The following WDR11 variants were observed in gnomAD, a reference collection of about 807,000 sequenced individuals.
The protein encoded by WDR11 is WD repeat domain 11.
WDR11 carries 83 observed loss-of-function variants against 151.2 expected under a neutral mutation model. The observed-to-expected ratio is 0.55, with a 90% CI of 0.46 to 0.66. WDR11 has a LOEUF of 0.66. Among genes scored for constraint, WDR11 ranks in the 30% least tolerant of loss-of-function variants. The probability of loss-of-function intolerance (pLI) is 0.00; values close to 1 mark genes in which losing one functional copy is unlikely to be tolerated. For synonymous variants in WDR11, 484 were observed against 533.1 expected (o/e 0.91, Z 1.27); for missense variants, 1,301 against 1,480.9 (o/e 0.88, Z 1.99).
chr10:120,879,508 A>G (rs1049828555), intron 12 of WDR11: 2 of 152,086 alleles, frequency 1.3e-5, no homozygotes, highest in Non-Finnish European at 2.9e-5. Flanking sequence ...TAAAAAAAAG[A>G]AAAAAAATCC....
intron 2 of WDR11, 70 bp downstream of exon 2, chr10:120,852,705 T>G (rs2133718870): frequency 7.7e-7 from 1 of 1,292,916 alleles, no homozygotes; most frequent in East Asian, 2.4e-5. Flanking sequence ...ATCACTAAGC[T>G]CTCATTAAGT....
Position 120,903,118 on chromosome 10 carries a change from A to G in WDR11, c.2817A>G (p.Leu939=). The G allele has an allele frequency of 8.1e-6, 13 of 1,614,198 alleles. No individual in the cohort carries two copies. Among genetic ancestry groups the G allele is most frequent in the Non-Finnish European group, 1.1e-5 (13 of 1,180,054 alleles). Reference sequence around the variant, plus strand: ...TCGCTGCCCACTACCTGCACAGCTTATCCCAGGAAAAGTCAGCCAGCACAA... The same window carrying G: ...TCGCTGCCCACTACCTGCACAGCTTGTCCCAGGAAAAGTCAGCCAGCACAA... ...WTVAAHYLHS[L]SQEKSASTTA... Residue 939 remains leucine, a synonymous_variant, in exon 23 of 29, where the codon TTA becomes TTG. Transcript: ENST00000263461.
At position 120,862,819 on chromosome 10, in the gene WDR11, C is replaced by G. The variant is rs1046027854; in HGVS notation, c.611C>G (p.Ser204Cys). The change falls in exon 5 of 29, where the codon TCC becomes TGC. Residue 204 changes from serine to cysteine, a missense_variant. Transcript: ENST00000263461. Reference sequence around the variant, plus strand: ...GGCCCTGGGAAAAAAGTTTACATATCCAGCCCACACTCTAGCCCAGCTCAT... The same window carrying G: ...GGCCCTGGGAAAAAAGTTTACATATGCAGCCCACACTCTAGCCCAGCTCAT... The part of the protein sequence containing the change: ...PSGPGKKVYI[S>C]SPHSSPAHNK... The G allele has an allele frequency of 1.2e-6, 2 of 1,614,002 alleles. No individual in the cohort carries two copies. The highest frequency in any genetic ancestry group is 1.3e-5 in the African/African-American group (1 of 74,904).
Position 120,870,922 on chromosome 10 carries a change from A to G in WDR11, c.1295-248A>G, listed in dbSNP as rs578023546. On this transcript the variant is annotated intron_variant, in intron 9 of 28. Coordinates refer to ENST00000263461, the MANE Select transcript of WDR11 (RefSeq NM_018117.12). ...ACTGAAACAGTGTTTCTTAGAAGAC[A>G]TAGGTCCCTGCATTCTGGATAGCAG... 2.7e-3 allele frequency among the ~76,000 whole-genome samples: 416 copies of G among 152,282 alleles called. 5 individuals carry two copies. In the South Asian group the frequency reaches 0.032, roughly 12 times the overall value.
At chr10:120,890,489 T>C (rs1394696507) in intron 18 of WDR11, among the ~76,000 whole-genome samples, 1 of 152,186 alleles carries the variant, frequency 6.6e-6, no homozygotes, top group African/African-American at 2.4e-5. Flanking sequence ...CCTGGGATTA[T>C]AGGCGTCAGC....
Position 120,908,820 on chromosome 10 carries a change from T to C in WDR11, c.*107T>C. ...GGATGAAGAGGAGTACAGGGTCCTG[T>C]GAGCTGTTTGACCACTGTTCTAAGA... On this transcript the variant is annotated 3_prime_UTR_variant, in exon 29 of 29. Coordinates refer to ENST00000263461, the MANE Select transcript of WDR11 (RefSeq NM_018117.12). 2 of 1,255,954 alleles carry C rather than the reference T, an allele frequency of 1.6e-6. No homozygotes were observed. The highest frequency in any genetic ancestry group is 2.3e-6 in the Non-Finnish European group (2 of 867,808). 77.8% of individuals were successfully genotyped at this position (1,255,954 alleles called of 1,614,324 possible).
At chr10:120,888,931 T>C in intron 16 of WDR11, 147 bp from the exon 17 acceptor site, 3 of 619,954 alleles carry the variant, frequency 4.8e-6, no homozygotes, top group Non-Finnish European at 2.8e-6. Context: ...TGTAGCTCTT[T>C]GTTAGTGTCT....
At chr10:120,904,877 T>C in intron 25 of WDR11, 66 bp downstream of exon 25, 2 of 1,556,884 alleles carry the variant, frequency 1.3e-6, no homozygotes, top group South Asian at 2.2e-5. Context: ...GCAAAGTATC[T>C]GATTAGTAGG....
chr10:120,863,906 ACTT>A (rs974569627), intron 5 of WDR11, among the ~76,000 whole-genome samples: 87 of 152,320 alleles, frequency 5.7e-4, no homozygotes, highest in African/African-American at 1.8e-3. Flanking sequence ...ACTTAAGATT[ACTT>A]CTTAAGTATC....
rs1435196461 is a variant in WDR11 at position 120,851,516 on chromosome 10, C to T, written c.86+10C>T. 6.2e-7 allele frequency: 1 copy of T among 1,608,528 alleles called. No individual in the cohort carries two copies. The highest frequency in any genetic ancestry group is 8.5e-7 in the Non-Finnish European group (1 of 1,178,512). On this transcript the variant is annotated intron_variant, in intron 1 of 28. Transcript: ENST00000263461. ...AGGCGGCGGTGGACTGGTGAGGACG[C>T]CGAGCTTCCAGGTCGCCAGGATCGG... is the stretch of plus-strand genomic sequence containing the variant.
intron 9 of WDR11, among the ~76,000 whole-genome samples, chr10:120,868,137 A>G (rs2133749935): frequency 6.6e-6 from 1 of 152,208 alleles, no homozygotes; most frequent in Admixed American, 6.5e-5. Flanking sequence ...GTTGTTGTTG[A>G]AACGCTAAAT....
intron 10 of WDR11, 102 bp from the exon 11 acceptor site, chr10:120,873,737 A>C (rs568291254): frequency 4.9e-6 from 4 of 811,014 alleles, no homozygotes; most frequent in African/African-American, 1.7e-5. Flanking sequence ...CTTTTATAAA[A>C]GATAAATGTG....
At chr10:120,906,084 C>T (rs1848031133) in intron 27 of WDR11, 63 bp downstream of exon 27, 7 of 1,611,772 alleles carry the variant, frequency 4.3e-6, no homozygotes, top group Admixed American at 1.7e-5. Flanking sequence ...CATGTTCTCT[C>T]GCGGTTCTAG....
At chr10:120,858,847 G>A (rs1458865687) in intron 3 of WDR11, 51 bp downstream of exon 3, 30 of 1,611,446 alleles carry the variant, frequency 1.9e-5, no homozygotes, top group Non-Finnish European at 2.5e-5. Flanking sequence ...CTTACTCTTG[G>A]AGTGGTTTTT....
intron 11 of WDR11, among the ~76,000 whole-genome samples, chr10:120,874,979 C>T (rs950004921): frequency 2.0e-4 from 30 of 151,960 alleles, no homozygotes; most frequent in African/African-American, 6.5e-4. Context: ...CCTCAATCCC[C>T]GATAGGCCCC....
intron 2 of WDR11, among the ~76,000 whole-genome samples, chr10:120,854,675 G>T (rs1334186501): frequency 6.6e-6 from 1 of 152,108 alleles, no homozygotes; most frequent in Non-Finnish European, 1.5e-5. Flanking sequence ...CTGTTCTTTT[G>T]ATTATAACCA....
chr10:120,878,793 T>TA (rs1284516414), intron 12 of WDR11, among the ~76,000 whole-genome samples: 2 of 152,196 alleles, frequency 1.3e-5, no homozygotes, highest in Admixed American at 1.3e-4. Context: ...CAATGGACTT[T>TA]ATTAGAGTCT....
intron 5 of WDR11, among the ~76,000 whole-genome samples, chr10:120,864,302 C>G (rs988623438): frequency 6.6e-6 from 1 of 151,998 alleles, no homozygotes; most frequent in Non-Finnish European, 1.5e-5. Context: ...AATTTCAAAG[C>G]CTTTTAATAA....
intron 3 of WDR11, among the ~76,000 whole-genome samples, 177 bp from the exon 4 acceptor site, chr10:120,859,932 A>G (rs1394764284): frequency 7.0e-6 from 1 of 142,816 alleles, no homozygotes; most frequent in East Asian, 2.0e-4. Context: ...ATATAGAATT[A>G]GTTTTTTCTC....
Sources: allele counts gnomAD v4.1 joint callset (sites outside exome capture counted in the v4.1 genomes callset), GRCh38; gene constraint gnomAD v4.1.1; transcripts MANE v1.5; gene names NCBI Gene and HGNC (gene_info 2026-07-23, HGNC 2026-07-21).